Variants in AGFG1 observed in about 807,000 individuals in gnomAD.
AGFG1 encodes arf-GAP domain and FG repeat-containing protein 1.
In AGFG1, 10 loss-of-function variants were observed where a neutral mutation model predicts 60.6. That is an observed-to-expected ratio of 0.16 (90% CI 0.10 to 0.28). The LOEUF (loss-of-function observed/expected upper bound fraction) is 0.28. Ranked by LOEUF, AGFG1 falls within the 10% of genes least tolerant of loss-of-function variation. AGFG1 has a pLI of 1.00. For missense variants in AGFG1, 537 were observed against 676.5 expected (o/e 0.79, Z 2.29); for synonymous variants, 247 against 242.9 (o/e 1.02, Z -0.16).
At position 227,537,009 on chromosome 2, in the gene AGFG1, A is replaced by G; in HGVS notation, c.1378+16A>G. 3.1e-6 allele frequency: 5 copies of G among 1,601,070 alleles called. No individual in the cohort carries two copies. Among genetic ancestry groups the G allele is most frequent in the Non-Finnish European group, 4.3e-6 (5 of 1,171,614 alleles). On this transcript the variant is annotated intron_variant, in intron 10 of 12. Transcript: ENST00000310078. ...GGAGCAACAGGTAAGAAAAAGAGAC[A>G]GTGGAACAGTAAGTTTTGGGGAAGA...
rs974342416 is a variant in AGFG1, at chr2:227,536,530, A to G, written c.1206-95A>G. On this transcript the variant is annotated intron_variant, in intron 8 of 12. Coordinates refer to ENST00000310078, the MANE Select transcript of AGFG1 (RefSeq NM_004504.5). ...TTTGTGTTGATACTGATGCTGTGAT[A>G]CACGATATGTTCATTATTTTATGGC... is the stretch of plus-strand genomic sequence containing the variant. 42 of 962,514 alleles carry G rather than the reference A, an allele frequency of 4.4e-5. No homozygotes were observed. In the East Asian group the frequency reaches 9.5e-4, roughly 22 times the overall value. 59.6% of individuals were successfully genotyped at this position (962,514 alleles called of 1,614,324 possible). A position where few individuals can be genotyped will look rare whatever the true frequency, so the allele number is the denominator to read the frequency against.
At chr2:227,520,727 A>G (rs538525543) in intron 3 of AGFG1, among the ~76,000 whole-genome samples, 6 of 152,364 alleles carry the variant, frequency 3.9e-5, no homozygotes, top group Non-Finnish European at 8.8e-5. Flanking sequence ...ATTTTTAGCT[A>G]TATGAGCACA....
intron 2 of AGFG1, among the ~76,000 whole-genome samples, chr2:227,493,297 C>G (rs933196279): frequency 6.6e-6 from 1 of 152,054 alleles, no homozygotes; most frequent in Non-Finnish European, 1.5e-5. Context: ...AAACTTTATA[C>G]CAGTTGAATT....
chr2:227,521,413 CAGCTGTACTAGA>C (rs1167950095), intron 3 of AGFG1, among the ~76,000 whole-genome samples: 2 of 152,290 alleles, frequency 1.3e-5, no homozygotes, highest in South Asian at 4.1e-4. Context: ...GGGCTATATT[CAGCTGTACTAGA>C]AGACATCAAG....
chr2:227,542,011 A>G (rs1306275753), intron 10 of AGFG1, among the ~76,000 whole-genome samples: 1 of 152,230 alleles, frequency 6.6e-6, no homozygotes, highest in Non-Finnish European at 1.5e-5. Context: ...ATTGGTGTAT[A>G]GGAATACTTG....
At chr2:227,485,577 T>C (rs1379774471) in intron 1 of AGFG1, among the ~76,000 whole-genome samples, 1 of 152,100 alleles carries the variant, frequency 6.6e-6, no homozygotes, top group Non-Finnish European at 1.5e-5. Context: ...CAGATTTTGA[T>C]GAGCTGTGCT....
At chr2:227,529,192 G>A (rs1020523889) in intron 5 of AGFG1, among the ~76,000 whole-genome samples, 1 of 152,090 alleles carries the variant, frequency 6.6e-6, no homozygotes, top group African/African-American at 2.4e-5. Flanking sequence ...TTGCCTTGGA[G>A]TAGTTTTTAG....
At chr2:227,548,696 G>A (rs1692724520) in intron 10 of AGFG1, among the ~76,000 whole-genome samples, 1 of 152,198 alleles carries the variant, frequency 6.6e-6, no homozygotes, top group African/African-American at 2.4e-5. Flanking sequence ...CCAGCACTTT[G>A]GGAGGCCGAG....
chr2:227,547,867 T>C (rs1692699199), intron 10 of AGFG1, among the ~76,000 whole-genome samples: 2 of 152,122 alleles, frequency 1.3e-5, no homozygotes, highest in South Asian at 2.1e-4. Flanking sequence ...AATGAAAACA[T>C]AGATCTGCAC....
chr2:227,477,246 A>G (rs1690312140), intron 1 of AGFG1, among the ~76,000 whole-genome samples: 1 of 152,150 alleles, frequency 6.6e-6, no homozygotes, highest in Non-Finnish European at 1.5e-5. Flanking sequence ...ATTTTAAGCA[A>G]ATATTTATTA....
intron 10 of AGFG1, among the ~76,000 whole-genome samples, chr2:227,539,912 T>C (rs1692434150): frequency 6.6e-6 from 1 of 152,172 alleles, no homozygotes. Context: ...CTTTGCTCAC[T>C]GCAGCCTCTA....
At chr2:227,543,752 G>T (rs531596737) in intron 10 of AGFG1, among the ~76,000 whole-genome samples, 1 of 152,144 alleles carries the variant, frequency 6.6e-6, no homozygotes, top group African/African-American at 2.4e-5. Context: ...GTTGACAGTG[G>T]GGTGTTAAAG....
In AGFG1 at chr2:227,536,918, C is replaced by T. The variant is rs1420517954; in HGVS notation, c.1303C>T (p.Pro435Ser). The T allele has an allele frequency of 6.2e-7, 1 of 1,612,376 alleles. No individual in the cohort carries two copies. The highest frequency in any genetic ancestry group is 8.5e-7 in the Non-Finnish European group (1 of 1,179,112). Residue 435 changes from proline (P) to serine (S), a missense_variant, in exon 10 of 13, where the codon CCA becomes TCA. Physicochemically the swap from Pro to Ser is moderately conservative, Grantham distance 74. Transcript: ENST00000310078. ...TTTTAAAGCTACGCCTTCCACAAAT[C>T]CATTTGTTGCTGCTGCTGGTCCTTC... ...APFGATPSTN[P>S]FVAAAGPSVA...
chr2:227,501,019 C>A (rs944353810), intron 2 of AGFG1, among the ~76,000 whole-genome samples: 2 of 152,120 alleles, frequency 1.3e-5, no homozygotes, highest in Non-Finnish European at 2.9e-5. Flanking sequence ...GTCTTGAACT[C>A]CTGATCTCAG....
At chr2:227,529,926 G>T (rs1333400723) in intron 5 of AGFG1, among the ~76,000 whole-genome samples, 1 of 150,744 alleles carries the variant, frequency 6.6e-6, no homozygotes, top group East Asian at 1.9e-4. Flanking sequence ...TTTGTTTATT[G>T]TGAAGTGCCC....
In AGFG1 at chr2:227,533,746, A is replaced by G. The variant is rs570895940; in HGVS notation, c.1012A>G (p.Ser338Gly). The G allele has an allele frequency of 1.9e-6, 3 of 1,613,510 alleles. No homozygotes were observed. The highest frequency in any genetic ancestry group is 4.5e-5 in the East Asian group (2 of 44,852). The stretch of plus-strand genomic sequence containing the variant: ...ACTTGCTAATTTAGACAATATCTTC[A>G]GTGCCGGGCAAGGTATCAAGCTTTA... Reference protein sequence around the residue: ...AALANLDNIFSAGQGGDQGSG... With the variant: ...AALANLDNIFGAGQGGDQGSG... The change falls in exon 7 of 13, where the codon AGT becomes GGT. Residue 338 changes from serine (S) to glycine (G), a missense_variant. Ser to Gly is a moderately conservative substitution (Grantham distance 56). Transcript: ENST00000310078.
intron 1 of AGFG1, among the ~76,000 whole-genome samples, chr2:227,490,505 G>A (rs1238258027): frequency 1.3e-5 from 2 of 151,402 alleles, no homozygotes; most frequent in Non-Finnish European, 1.5e-5. Flanking sequence ...GTGAACCCGG[G>A]AGGTGGAGCT....
intron 1 of AGFG1, among the ~76,000 whole-genome samples, chr2:227,491,161 A>G (rs576894624): frequency 4.1e-4 from 63 of 152,296 alleles, no homozygotes; most frequent in African/African-American, 1.5e-3. Flanking sequence ...GTCTTATTAT[A>G]TCATTGTTTC....
intron 2 of AGFG1, among the ~76,000 whole-genome samples, chr2:227,498,816 AG>A (rs1294844634): frequency 6.6e-6 from 1 of 152,184 alleles, no homozygotes; most frequent in African/African-American, 2.4e-5. Context: ...TACATATTCC[AG>A]GTTACAGTGT....
Sources: allele counts gnomAD v4.1 joint callset (sites outside exome capture counted in the v4.1 genomes callset), GRCh38; gene constraint gnomAD v4.1.1; transcripts MANE v1.5; gene names NCBI Gene and HGNC (gene_info 2026-07-23, HGNC 2026-07-21).